Variants in ST7L observed in about 807,000 individuals in gnomAD.
ST7L encodes the protein suppressor of tumorigenicity 7 protein-like.
In ST7L, 57 loss-of-function variants were observed where a neutral mutation model predicts 72.5. The ratio of observed to expected loss-of-function variants is 0.79; its 90% CI spans 0.64 to 0.98. The LOEUF is 0.98. Among genes scored for constraint, ST7L ranks in the 50% least tolerant of loss-of-function variants. The pLI, the probability that ST7L is intolerant of heterozygous loss-of-function variation, is 0.00. For synonymous variants in ST7L, 221 were observed against 240.9 expected (o/e 0.92, Z 0.77); for missense variants, 576 against 672.2 (o/e 0.86, Z 1.58).
chr1:112,616,920 T>C (rs1669978873), intron 1 of ST7L, 25 bp from the exon 2 acceptor site: 1 of 1,550,452 alleles, frequency 6.4e-7, no homozygotes, highest in Admixed American at 1.9e-5. Flanking sequence ...AGAATCAAAG[T>C]TTTAAAAAAT....
intron 10 of ST7L, among the ~76,000 whole-genome samples, chr1:112,577,399 G>A (rs1190340125): frequency 1.3e-5 from 2 of 151,306 alleles, no homozygotes; most frequent in African/African-American, 4.9e-5. Flanking sequence ...GTGGTGGTGT[G>A]TGCCTGTAGT....
chr1:112,519,460 A>T (rs1652738024), downstream of ST7L, among the ~76,000 whole-genome samples: 1 of 152,118 alleles, frequency 6.6e-6, no homozygotes. Context: ...CTTGGAGTAG[A>T]TGCTCTCATG....
intron 5 of ST7L, among the ~76,000 whole-genome samples, chr1:112,594,807 C>T (rs961095571): frequency 1.3e-5 from 2 of 152,160 alleles, no homozygotes; most frequent in African/African-American, 4.8e-5. Flanking sequence ...AGATTATATA[C>T]AGAACCTTCC....
At chr1:112,520,187 T>C (rs2101100520), downstream of ST7L, 1 of 1,318,502 alleles carries the variant, frequency 7.6e-7, no homozygotes, top group South Asian at 1.3e-5. Context: ...AAAAAAGCGA[T>C]TCTTTTTATC....
chr1:112,591,623 A>T lies in ST7L; in HGVS notation c.623-20T>A. ...GCATAACTGTAGAAAAAAATTCCAT[A>T]AAATAGATGAGATGGTAAAAAAATA... On this transcript the variant is annotated intron_variant, in intron 5 of 14. Transcript: ENST00000358039. The T allele has an allele frequency of 6.3e-7, 1 of 1,589,100 alleles. No homozygotes were observed. Among genetic ancestry groups the T allele is most frequent in the Non-Finnish European group, 8.6e-7 (1 of 1,167,476 alleles).
chr1:112,610,790 A>G, intron 3 of ST7L, 51 bp downstream of exon 3: 1 of 1,591,116 alleles, frequency 6.3e-7, no homozygotes, highest in African/African-American at 1.3e-5. Context: ...TCCCAGAGCC[A>G]AACTCAATCT....
chr1:112,550,846 G>A (rs1418130018), intron 12 of ST7L, among the ~76,000 whole-genome samples, 153 bp from the exon 13 acceptor site: 1 of 152,070 alleles, frequency 6.6e-6, no homozygotes, highest in African/African-American at 2.4e-5. Context: ...TAATAAATAA[G>A]GGGAAGGATA....
At chr1:112,571,184 T>C (rs1662062079) in intron 11 of ST7L, 1 of 395,972 alleles carries the variant, frequency 2.5e-6, no homozygotes, top group African/African-American at 2.1e-5. Flanking sequence ...ACCAAATTCT[T>C]CAAAAAAACC....
rs1268607799 is a variant in ST7L at position 112,524,923 on chromosome 1, T to C, written c.*1090A>G. 2 of 152,192 alleles carry C rather than the reference T, an allele frequency of 1.3e-5. No homozygotes were observed. Among genetic ancestry groups the C allele is most frequent in the African/African-American group, 4.8e-5 (2 of 41,432 alleles). 9.4% of individuals were successfully genotyped at this position (152,192 alleles called of 1,614,324 possible). On this transcript the variant is annotated 3_prime_UTR_variant, in exon 15 of 15. Transcript: ENST00000358039. ...ATAGGGTCTGGCTTTAATCAAGGAATATCTACAAAGTCACATTACCAACCT... is the reference window on the plus strand; with the variant it reads ...ATAGGGTCTGGCTTTAATCAAGGAACATCTACAAAGTCACATTACCAACCT...
chr1:112,556,738 G>C (rs1421514976), intron 11 of ST7L, among the ~76,000 whole-genome samples: 3 of 151,940 alleles, frequency 2.0e-5, no homozygotes, highest in Non-Finnish European at 4.4e-5. Flanking sequence ...AACACTTTGA[G>C]AGGCCAAAAT....
intron 2 of ST7L, among the ~76,000 whole-genome samples, chr1:112,615,185 A>T (rs893443301): frequency 6.6e-6 from 1 of 152,036 alleles, no homozygotes; most frequent in Non-Finnish European, 1.5e-5. Context: ...TTGAAGAGAC[A>T]GGGTTTTTCC....
At chr1:112,519,872 C>CTTCTT (rs10634267), downstream of ST7L, among the ~76,000 whole-genome samples, 33 of 115,650 alleles carry the variant, frequency 2.9e-4, no homozygotes, top group African/African-American at 6.0e-4. Flanking sequence ...GCCCATGCTT[C>CTTCTT]TTTTTTTTTT....
intron 6 of ST7L, among the ~76,000 whole-genome samples, chr1:112,584,649 G>A (rs866799625): frequency 6.6e-5 from 10 of 151,986 alleles, no homozygotes; most frequent in South Asian, 4.2e-4. Context: ...CACCACGCCC[G>A]GCTAATTTTT....
intron 12 of ST7L, among the ~76,000 whole-genome samples, chr1:112,553,059 A>G (rs2101575268): frequency 6.6e-6 from 1 of 152,042 alleles, no homozygotes; most frequent in African/African-American, 2.4e-5. Context: ...GCTTTTGAAA[A>G]AAAGAAAAGA....
intron 3 of ST7L, among the ~76,000 whole-genome samples, chr1:112,603,673 A>G (rs1464022535): frequency 6.6e-6 from 1 of 152,174 alleles, no homozygotes; most frequent in Non-Finnish European, 1.5e-5. Context: ...ACAAAATACC[A>G]TTGACTGTGT....
Position 112,618,688 on chromosome 1 carries a change from A to G in ST7L, c.205+221T>C, listed in dbSNP as rs1670341666. ...CCATGGAAAAACGAGGACATAAGAGAGAGGGCGGACCTTAAGAGTTCTACG... is the reference window on the plus strand; with the variant it reads ...CCATGGAAAAACGAGGACATAAGAGGGAGGGCGGACCTTAAGAGTTCTACG... On this transcript the variant is annotated intron_variant, in intron 1 of 14. Transcript: ENST00000358039. 1.1e-5 allele frequency: 10 copies of G among 950,404 alleles called. No homozygotes were observed. In the Admixed American group the frequency reaches 2.8e-4, roughly 26 times the overall value. 58.9% of individuals were successfully genotyped at this position (950,404 alleles called of 1,614,324 possible).
At chr1:112,550,803 G>C (rs1657991048) in intron 12 of ST7L, 110 bp from the exon 13 acceptor site, 2 of 776,534 alleles carry the variant, frequency 2.6e-6, no homozygotes, top group Non-Finnish European at 4.1e-6. Flanking sequence ...TTTTTAGTGA[G>C]ACATTTAGAT....
chr1:112,617,713 TCTCTCACACA>T (rs768634115), intron 1 of ST7L, among the ~76,000 whole-genome samples: 3,645 of 93,428 alleles, frequency 0.039, 166 homozygotes, highest in African/African-American at 0.13. Flanking sequence ...TGTCTTTCTC[TCTCTCACACA>T]CACACACACA....
chr1:112,580,206 T>C (rs1038015639), intron 9 of ST7L, among the ~76,000 whole-genome samples: 3 of 152,194 alleles, frequency 2.0e-5, no homozygotes, highest in Non-Finnish European at 4.4e-5. Context: ...TGGAATACAG[T>C]GGTGCAATCT....
Sources: gnomAD v4.1 joint callset for allele counts (sites outside exome capture counted in the v4.1 genomes callset) on GRCh38, gnomAD v4.1.1 for gene constraint, MANE v1.5 for transcripts, NCBI Gene and HGNC (gene_info 2026-07-23, HGNC 2026-07-21) for gene names.